SHROOM4: variants seen among roughly 807,000 people sequenced by gnomAD.
SHROOM4 encodes the protein protein Shroom4.
In SHROOM4, 17 loss-of-function variants were observed where a neutral mutation model predicts 80.3. The observed-to-expected ratio is 0.21, with a 90% CI of 0.14 to 0.32. The LOEUF (loss-of-function observed/expected upper bound fraction) is 0.32, where lower values mean the gene tolerates loss of function less well. Ranked by LOEUF, SHROOM4 falls within the 10% of genes least tolerant of loss-of-function variation. SHROOM4 has a pLI of 1.00. For synonymous variants in SHROOM4, 400 were observed against 437.5 expected, an observed-to-expected ratio of 0.91 and a Z score of 1.07; for missense variants, 993 against 1,140.3, an observed-to-expected ratio of 0.87 and a Z score of 1.86.
At chrX:50,704,044 C>T (rs1829350110) in intron 1 of SHROOM4, among the ~76,000 whole-genome samples, 1 of 111,456 alleles carries the variant, frequency 9.0e-6, no homozygotes. Flanking sequence ...AAGCAGTTGT[C>T]AGCAACAGAG....
chrX:50,796,515 AT>A (rs1557272126), intron 1 of SHROOM4, among the ~76,000 whole-genome samples: 4 of 111,400 alleles, frequency 3.6e-5, no homozygotes, highest in Non-Finnish European at 7.5e-5. Flanking sequence ...CTGGTCTAGA[AT>A]GTCGGAGGTG....
intron 2 of SHROOM4, among the ~76,000 whole-genome samples, chrX:50,680,461 C>T (rs1932917132): frequency 9.0e-6 from 1 of 111,077 alleles, no homozygotes; most frequent in Admixed American, 9.6e-5. Flanking sequence ...GATTCACCAA[C>T]TGATTACATT....
chrX:50,580,533 C>T, the SHROOM4 span, among the ~76,000 whole-genome samples: 1 of 112,196 alleles, frequency 8.9e-6, no homozygotes, highest in African/African-American at 3.2e-5. Context: ...GGGCAACAGC[C>T]TCACTTGTTT....
chrX:50,622,203 CT>C lies in SHROOM4; in HGVS notation c.2957+5410del, dbSNP rs200253924. 7.1e-3 allele frequency among the ~76,000 whole-genome samples: 797 copies of C among 111,572 alleles called. 17 individuals carry two copies. Among genetic ancestry groups the C allele is most frequent in the Admixed American group, 0.057 (595 of 10,481 alleles). On this transcript the variant is annotated intron_variant, in intron 5 of 8. Coordinates refer to ENST00000376020, the MANE Select transcript of SHROOM4 (RefSeq NM_020717.5). ...GTGGCTGCTGTTAATGGTATAATAC[CT>C]TTTCTGAGTCTTGGCTTCCTCATCA... is the stretch of plus-strand genomic sequence containing the variant.
chrX:50,656,936 T>C (rs1359892322), intron 2 of SHROOM4, among the ~76,000 whole-genome samples: 1 of 111,426 alleles, frequency 9.0e-6, no homozygotes, highest in Non-Finnish European at 1.9e-5. Context: ...CTTTAATTTA[T>C]TTCATCAATA....
At chrX:50,639,747 T>C (rs782469894) in intron 2 of SHROOM4, among the ~76,000 whole-genome samples, 2 of 111,283 alleles carry the variant, frequency 1.8e-5, no homozygotes, top group African/African-American at 3.3e-5. Flanking sequence ...AAGATCTCAG[T>C]AGTACAAGGC....
At chrX:50,763,881 C>T (rs1364401282) in intron 1 of SHROOM4, among the ~76,000 whole-genome samples, 2 of 111,217 alleles carry the variant, frequency 1.8e-5, no homozygotes, top group Non-Finnish European at 3.8e-5. Context: ...CATCCTGACC[C>T]CCAGTGATCT....
At chrX:50,597,218 C>G (rs1374289072) in intron 8 of SHROOM4, among the ~76,000 whole-genome samples, 1 of 112,193 alleles carries the variant, frequency 8.9e-6, no homozygotes, top group Non-Finnish European at 1.9e-5. Flanking sequence ...TTAACGCTGT[C>G]TTCAATGTAG....
At chrX:50,629,394 A>C (rs1259513680) in intron 4 of SHROOM4, among the ~76,000 whole-genome samples, 1 of 111,832 alleles carries the variant, frequency 8.9e-6, no homozygotes, top group African/African-American at 3.3e-5. Flanking sequence ...TTCAAATCGC[A>C]CACCTGCCTT....
intron 1 of SHROOM4, among the ~76,000 whole-genome samples, chrX:50,706,242 C>A (rs1229159835): frequency 8.9e-6 from 1 of 111,859 alleles, no homozygotes; most frequent in Non-Finnish European, 1.9e-5. Context: ...TCTTCTCTAC[C>A]CACATCTCAT....
At chrX:50,795,085 TATGATATATA>T (rs1935949877) in intron 1 of SHROOM4, among the ~76,000 whole-genome samples, 1 of 67,756 alleles carries the variant, frequency 1.5e-5, no homozygotes, top group African/African-American at 7.3e-5. Flanking sequence ...GATATATATA[TATGATATATA>T]TATATGATAT....
intron 1 of SHROOM4, among the ~76,000 whole-genome samples, chrX:50,743,633 T>A (rs1398582261): frequency 9.1e-6 from 1 of 109,750 alleles, no homozygotes; most frequent in East Asian, 2.9e-4. Context: ...AATTTTAAAA[T>A]TTTTTGTAGA....
intron 1 of SHROOM4, among the ~76,000 whole-genome samples, chrX:50,719,700 C>T (rs1225915920): frequency 1.8e-5 from 2 of 112,307 alleles, no homozygotes; most frequent in African/African-American, 6.5e-5. Flanking sequence ...TAAAGCCTAA[C>T]TCTGGCATCA....
At position 50,592,811 on chromosome X, in the gene SHROOM4, C is replaced by T. The variant is rs1469145907; in HGVS notation, c.*3884G>A. The T allele has an allele frequency of 1.7e-5, 2 of 115,227 alleles. No individual in the cohort carries two copies. Among genetic ancestry groups the T allele is most frequent in the African/African-American group, 6.5e-5 (2 of 30,687 alleles). The allele number at this position is 115,227 out of a possible 1,213,427, so 9.5% of individuals were successfully genotyped here. On this transcript the variant is annotated 3_prime_UTR_variant, in exon 9 of 9. Coordinates refer to ENST00000376020, the MANE Select transcript of SHROOM4 (RefSeq NM_020717.5). ...GGCTTACCTTCGATCAGGCTAGACT[C>T]CAGAACTAGACTCTGTATACTGCTT...
intron 1 of SHROOM4, among the ~76,000 whole-genome samples, chrX:50,710,149 C>T (rs369975418): frequency 5.4e-5 from 6 of 111,744 alleles, no homozygotes; most frequent in Non-Finnish European, 9.4e-5. Context: ...AACTACCATT[C>T]GACCCAGAAA....
intron 2 of SHROOM4, among the ~76,000 whole-genome samples, chrX:50,646,352 G>A (rs182402255): frequency 7.2e-5 from 8 of 110,770 alleles, no homozygotes; most frequent in African/African-American, 2.0e-4. Context: ...CAGACAAGCC[G>A]GAGGACAGAA....
rs144238472 is a variant in SHROOM4, at chrX:50,716,514, T to C, written c.118-20577A>G. Among the ~76,000 whole-genome samples, 553 of 111,767 alleles carry C rather than the reference T, an allele frequency of 4.9e-3. 1 individual carries two copies. Among genetic ancestry groups the C allele is most frequent in the African/African-American group, 0.017 (527 of 30,749 alleles). ...AATTTTTTTACAAAGGTTTCAAAGG[T>C]ATATGGCACCTTATGTGACTTACCA... On this transcript the variant is annotated intron_variant, in intron 1 of 8. Coordinates refer to ENST00000376020, the MANE Select transcript of SHROOM4 (RefSeq NM_020717.5).
intron 1 of SHROOM4, among the ~76,000 whole-genome samples, chrX:50,759,630 C>T (rs1253302456): frequency 2.7e-5 from 3 of 111,807 alleles, no homozygotes; most frequent in Non-Finnish European, 5.6e-5. Flanking sequence ...CCTTCTGAAT[C>T]TCCTAGTTTC....
chrX:50,712,522 C>A (rs1199375643), intron 1 of SHROOM4, among the ~76,000 whole-genome samples: 1 of 111,951 alleles, frequency 8.9e-6, no homozygotes, highest in Non-Finnish European at 1.9e-5. Flanking sequence ...ACATTGCATG[C>A]CTGTATCAAA....
Sources: allele counts gnomAD v4.1 joint callset (sites outside exome capture counted in the v4.1 genomes callset), GRCh38; gene constraint gnomAD v4.1.1; transcripts MANE v1.5; gene names NCBI Gene and HGNC (gene_info 2026-07-23, HGNC 2026-07-21).